The following DACH2 variants were observed in gnomAD, a reference collection of about 807,000 sequenced individuals.
DACH2 encodes dachshund family transcription factor 2, also known as dachshund homolog 2.
A neutral mutation model predicts 35.8 loss-of-function variants in DACH2; 17 were observed. The ratio of observed to expected loss-of-function variants is 0.48; its 90% confidence interval spans 0.33 to 0.71. The LOEUF (loss-of-function observed/expected upper bound fraction) is 0.71, where lower values mean the gene tolerates loss of function less well. Ranked by LOEUF, DACH2 falls within the 30% of genes least tolerant of loss-of-function variation. The probability of loss-of-function intolerance (pLI) is 0.02; values close to 1 mark genes in which losing one functional copy is unlikely to be tolerated. For synonymous variants in DACH2, 195 were observed against 177.3 expected (o/e 1.10, Z -0.79); for missense variants, 469 against 472.7 (o/e 0.99, Z 0.07).
chrX:86,225,463 C>CT (rs1160646731), intron 1 of DACH2, among the ~76,000 whole-genome samples: 1 of 110,905 alleles, frequency 9.0e-6, no homozygotes, highest in African/African-American at 3.3e-5. Context: ...CCTGTTAATT[C>CT]TTTTTTGCAT....
intron 2 of DACH2, among the ~76,000 whole-genome samples, chrX:86,450,140 A>G (rs753527176): frequency 9.0e-6 from 1 of 110,734 alleles, no homozygotes; most frequent in South Asian, 3.8e-4. Flanking sequence ...AACGTGTGCT[A>G]TGTTGTTTTG....
At chrX:86,404,284 T>C (rs1222730294) in intron 2 of DACH2, among the ~76,000 whole-genome samples, 1 of 111,397 alleles carries the variant, frequency 9.0e-6, no homozygotes, top group Non-Finnish European at 1.9e-5. Flanking sequence ...GTCCAAAGTT[T>C]CATCTGAGAC....
chrX:86,717,921 T>C (rs1243512492), intron 6 of DACH2, among the ~76,000 whole-genome samples: 2 of 108,625 alleles, frequency 1.8e-5, no homozygotes, highest in Admixed American at 1.0e-4. Context: ...GATGGACACA[T>C]AGGTTGATCG....
chrX:86,172,622 C>T (rs1324782354), intron 1 of DACH2, among the ~76,000 whole-genome samples: 1 of 112,244 alleles, frequency 8.9e-6, no homozygotes, highest in East Asian at 2.8e-4. Context: ...TCCTCTGGTA[C>T]ATTATCCTCT....
chrX:86,615,746 G>T (rs1328595660), intron 3 of DACH2, among the ~76,000 whole-genome samples: 1 of 110,826 alleles, frequency 9.0e-6, no homozygotes, highest in African/African-American at 3.3e-5. Context: ...AGTGACAGCA[G>T]CCATTTAACT....
chrX:86,653,668 T>G (rs2040504820), intron 4 of DACH2, among the ~76,000 whole-genome samples: 1 of 98,605 alleles, frequency 1.0e-5, no homozygotes, highest in Non-Finnish European at 2.1e-5. Flanking sequence ...AAATCCTTTT[T>G]TTTTTTTTTT....
chrX:86,291,115 A>T (rs1325717953), intron 1 of DACH2, among the ~76,000 whole-genome samples: 1 of 104,490 alleles, frequency 9.6e-6, no homozygotes, highest in African/African-American at 3.5e-5. Context: ...AGTGGTTTGT[A>T]GTTCTCCTTG....
At position 86,340,384 on chromosome X, in the gene DACH2, A is replaced by G. The variant is rs767753172; in HGVS notation, c.489-36440A>G. On this transcript the variant is annotated intron_variant, in intron 1 of 11. Coordinates refer to ENST00000373125, the MANE Select transcript of DACH2 (RefSeq NM_053281.3). ...AGTGATCTTTGATGTTATCACTGTA[A>G]TTATTTCGGAACACCACAAACCACA... Among the ~76,000 whole-genome samples, 8 of 111,369 alleles carry G rather than the reference A, an allele frequency of 7.2e-5. No individual in the cohort carries two copies. In the South Asian group the frequency reaches 3.1e-3, roughly 43 times the overall value.
intron 6 of DACH2, among the ~76,000 whole-genome samples, chrX:86,721,277 C>A (rs1021457259): frequency 8.9e-6 from 1 of 112,115 alleles, no homozygotes; most frequent in Non-Finnish European, 1.9e-5. Flanking sequence ...CATCAGGCTT[C>A]AAAATTTCCA....
Position 86,788,796 on chromosome X carries a change from A to G in DACH2, c.1241-24060A>G, listed in dbSNP as rs1377866838. 5.1e-5 allele frequency among the ~76,000 whole-genome samples: 3 copies of G among 58,971 alleles called. No individual in the cohort carries two copies. The Admixed American group carries it at 6.8e-4, about 13-fold the overall frequency. 51.2% of individuals were successfully genotyped at this position (58,971 alleles called of 115,157 possible). ...TAGAAGACACATTTAAGTCACTGGAAACTCACTTTAAGTTTCTCTTTTTTT... is the reference window on the plus strand; with the variant it reads ...TAGAAGACACATTTAAGTCACTGGAGACTCACTTTAAGTTTCTCTTTTTTT... On this transcript the variant is annotated intron_variant, in intron 7 of 11. Transcript: ENST00000373125.
chrX:86,300,200 A>G (rs1355803251), intron 1 of DACH2, among the ~76,000 whole-genome samples: 1 of 111,136 alleles, frequency 9.0e-6, no homozygotes, highest in Non-Finnish European at 1.9e-5. Context: ...ATATTTAATG[A>G]AGAACCTTGA....
At chrX:86,700,366 C>T (rs1326078936) in intron 5 of DACH2, among the ~76,000 whole-genome samples, 1 of 110,926 alleles carries the variant, frequency 9.0e-6, no homozygotes, top group Non-Finnish European at 1.9e-5. Flanking sequence ...GTTGAAGTCT[C>T]TCACTATTAT....
chrX:86,209,314 G>T (rs1440103772), intron 1 of DACH2, among the ~76,000 whole-genome samples: 3 of 111,500 alleles, frequency 2.7e-5, no homozygotes, highest in Non-Finnish European at 1.9e-5. Flanking sequence ...GTACGTTAAA[G>T]GGAAATGATG....
chrX:86,429,297 T>C (rs936903491), intron 2 of DACH2, among the ~76,000 whole-genome samples: 1 of 111,493 alleles, frequency 9.0e-6, no homozygotes, highest in Non-Finnish European at 1.9e-5. Context: ...TGGGTCCTAT[T>C]ATTTTTTTCT....
At chrX:86,666,759 G>A (rs1306801942) in intron 4 of DACH2, among the ~76,000 whole-genome samples, 1 of 111,709 alleles carries the variant, frequency 9.0e-6, no homozygotes, top group Non-Finnish European at 1.9e-5. Context: ...GAGAGGTGTG[G>A]CAATACATAG....
At position 86,565,227 on chromosome X, in the gene DACH2, C is replaced by T. The variant is rs763045111; in HGVS notation, c.640+50836C>T. The stretch of plus-strand genomic sequence containing the variant: ...TCTCCTATCTCCTCTGTGAAGTTTT[C>T]TTAGACACTCCCCATGAAAATTTAG... On this transcript the variant is annotated intron_variant, in intron 3 of 11. Transcript: ENST00000373125. Among the ~76,000 whole-genome samples the T allele has an allele frequency of 4.5e-5, 5 of 111,613 alleles. No individual in the cohort carries two copies. In the East Asian group the frequency reaches 1.1e-3, roughly 25 times the overall value.
rs183340706 is a variant in DACH2 at position 86,385,959 on chromosome X, C to A, written c.527+9097C>A. Reference sequence around the variant, plus strand: ...TGAGAGTTCCCATTCACCCCGTAGCCAGTTTCCTCTGTTGTTAACATCTTA... The same window carrying A: ...TGAGAGTTCCCATTCACCCCGTAGCAAGTTTCCTCTGTTGTTAACATCTTA... On this transcript the variant is annotated intron_variant, in intron 2 of 11. Coordinates refer to ENST00000373125, the MANE Select transcript of DACH2 (RefSeq NM_053281.3). Among the ~76,000 whole-genome samples the A allele has an allele frequency of 4.7e-3, 520 of 111,731 alleles. 6 individuals are homozygous for A. The highest frequency in any genetic ancestry group is 6.3e-3 in the Non-Finnish European group (333 of 52,963).
intron 1 of DACH2, among the ~76,000 whole-genome samples, chrX:86,340,772 G>A (rs976758655): frequency 8.9e-6 from 1 of 112,049 alleles, no homozygotes; most frequent in Non-Finnish European, 1.9e-5. Context: ...GTGAACACAC[G>A]GATAATAAAG....
intron 3 of DACH2, among the ~76,000 whole-genome samples, chrX:86,634,476 A>G (rs2040239243): frequency 9.0e-6 from 1 of 111,386 alleles, no homozygotes; most frequent in South Asian, 3.7e-4. Context: ...GAAAGAAATA[A>G]AAGACATTAA....
Sources: gnomAD v4.1 joint callset for allele counts (sites outside exome capture counted in the v4.1 genomes callset) on GRCh38, gnomAD v4.1.1 for gene constraint, MANE v1.5 for transcripts, NCBI Gene and HGNC (gene_info 2026-07-23, HGNC 2026-07-21) for gene names.